Variants in UTP20 observed in about 807,000 individuals in gnomAD.
UTP20 encodes small subunit processome component 20 homolog.
UTP20 carries 164 observed loss-of-function variants against 329.5 expected under a neutral mutation model. The ratio of observed to expected loss-of-function variants is 0.50; its 90% CI spans 0.44 to 0.57. The LOEUF is 0.57. UTP20 is among the 20% of genes least tolerant of loss of function. The probability of loss-of-function intolerance (pLI) is 0.00; values close to 1 mark genes in which losing one functional copy is unlikely to be tolerated. For missense variants in UTP20, 3,055 were observed against 3,284.2 expected (o/e 0.93, Z 1.71); for synonymous variants, 1,151 against 1,159.3 (o/e 0.99, Z 0.14).
rs2137229609 is a variant in UTP20 at position 101,286,377 on chromosome 12, A to G, written c.383A>G (p.Glu128Gly). The G allele has an allele frequency of 1.2e-6, 2 of 1,613,644 alleles. No individual in the cohort carries two copies. The highest frequency in any genetic ancestry group is 1.7e-6 in the Non-Finnish European group (2 of 1,179,842). Residue 128 changes from glutamate to glycine, a missense_variant, in exon 5 of 62, where the codon GAG (glutamate) becomes GGG (glycine). Physicochemically the swap from Glu to Gly is moderately conservative, Grantham distance 98. Coordinates refer to ENST00000261637, the MANE Select transcript of UTP20 (RefSeq NM_014503.3). The part of the protein sequence containing the change: ...LQMDFYPHFP[E>G]FFLTITSILE... ...ATGGATTTCTACCCACACTTTCCAGAGTTTTTTTTGACTATCACCTCGATC... is the reference window on the plus strand; with the variant it reads ...ATGGATTTCTACCCACACTTTCCAGGGTTTTTTTTGACTATCACCTCGATC...
chr12:101,310,597 A>AAAAAAAAAAAAAAAAAAAG (rs1380114662), intron 19 of UTP20, among the ~76,000 whole-genome samples: 10 of 150,462 alleles, frequency 6.6e-5, no homozygotes, highest in African/African-American at 2.4e-4. Context: ...AAAAAAAAAA[A>AAAAAAAAAAAAAAAAAAAG]ATACATGTTA....
chr12:101,309,882 A>G lies in UTP20; in HGVS notation c.2231+43A>G, dbSNP rs200778639. On this transcript the variant is annotated intron_variant, in intron 19 of 61. Coordinates refer to ENST00000261637, the MANE Select transcript of UTP20 (RefSeq NM_014503.3). ...GGGATGAAACTATTATACTTTAACT[A>G]CTGCAGAATGATGGGGCCCAGATTA... The G allele has an allele frequency of 4.4e-5, 69 of 1,553,592 alleles. 1 individual carries two copies. In the Admixed American group the frequency reaches 1.1e-3, roughly 25 times the overall value.
rs775562299 is a variant in UTP20, at chr12:101,346,578, A to G, written c.4874A>G (p.Lys1625Arg). 6.3e-7 allele frequency: 1 copy of G among 1,599,436 alleles called. No individual in the cohort carries two copies. Among genetic ancestry groups the G allele is most frequent in the Admixed American group, 1.8e-5 (1 of 56,872 alleles). ...PYAMTPIFDE[K>R]MLKHENITTA... ...GCCATGACTCCAATTTTTGATGAGA[A>G]AATGCTCAAGGTAGGTCATTAGATC... The change falls in exon 38 of 62, where the codon AAA (lysine) becomes AGA (arginine). Residue 1625 changes from lysine (K) to arginine (R), a missense_variant. Coordinates refer to ENST00000261637, the MANE Select transcript of UTP20 (RefSeq NM_014503.3).
intron 26 of UTP20, among the ~76,000 whole-genome samples, 171 bp from the exon 27 acceptor site, chr12:101,329,070 G>GT (rs1868665509): frequency 6.6e-6 from 1 of 152,012 alleles, no homozygotes; most frequent in African/African-American, 2.4e-5. Context: ...TGAGTATTTG[G>GT]TAAGAGTCAA....
chr12:101,340,936 T>A (rs1177977145), intron 32 of UTP20, among the ~76,000 whole-genome samples: 1 of 123,256 alleles, frequency 8.1e-6, no homozygotes, highest in Admixed American at 9.1e-5. Flanking sequence ...CATTGTGTAA[T>A]CTTTTTTTTT....
At position 101,338,275 on chromosome 12, in the gene UTP20, G is replaced by C; in HGVS notation, c.3866G>C (p.Gly1289Ala). Residue 1289 changes from glycine to alanine, a missense_variant and splice_region_variant, in exon 30 of 62, where the codon GGT becomes GCT. By Grantham distance (60) the Gly-to-Ala change is moderately conservative. Transcript: ENST00000261637. ...TACCCTGGCATAGCAGAAAACATCGGTGGTATGTATGCTGACAAAGCAGAT... is the reference window on the plus strand; with the variant it reads ...TACCCTGGCATAGCAGAAAACATCGCTGGTATGTATGCTGACAAAGCAGAT... ...CVYPGIAENI[G>A]ESITIGGRLI... 6.2e-7 allele frequency: 1 copy of C among 1,613,754 alleles called. No homozygotes were observed. The highest frequency in any genetic ancestry group is 8.5e-7 in the Non-Finnish European group (1 of 1,179,716).
rs769562996 is a variant in UTP20 at position 101,321,498 on chromosome 12, T to C, written c.2916-6T>C. ...TGGTGATTTGTGCTGTTCTCTGTTTTTAAAGGGAAAACTTACAAAGGTTGC... is the reference window on the plus strand; with the variant it reads ...TGGTGATTTGTGCTGTTCTCTGTTTCTAAAGGGAAAACTTACAAAGGTTGC... On this transcript the variant is annotated splice_region_variant and splice_polypyrimidine_tract_variant and intron_variant, in intron 24 of 61. Transcript: ENST00000261637. The C allele has an allele frequency of 6.2e-7, 1 of 1,612,412 alleles. No individual in the cohort carries two copies. Among genetic ancestry groups the C allele is most frequent in the South Asian group, 1.1e-5 (1 of 90,930 alleles).
Position 101,363,722 on chromosome 12 carries a change from A to G in UTP20, c.5937A>G (p.Lys1979=), listed in dbSNP as rs1870003804. 1.2e-6 allele frequency: 2 copies of G among 1,608,410 alleles called. No individual in the cohort carries two copies. Among genetic ancestry groups the G allele is most frequent in the Non-Finnish European group, 1.7e-6 (2 of 1,174,906 alleles). The change falls in exon 45 of 62, where the codon AAA becomes AAG. Residue 1979 remains lysine (K), a synonymous_variant. Transcript: ENST00000261637. ...GKFVGKDQVT[K]LILPLKEILQ... is the part of the protein sequence containing the mutation. ...TTGTAGGAAAAGATCAGGTTACAAAACTCATCCTTCCATTAAAAGAGGTAA... is the reference window on the plus strand; with the variant it reads ...TTGTAGGAAAAGATCAGGTTACAAAGCTCATCCTTCCATTAAAAGAGGTAA...
intron 19 of UTP20, among the ~76,000 whole-genome samples, chr12:101,310,693 T>G (rs2137251952): frequency 6.6e-6 from 1 of 151,592 alleles, no homozygotes; most frequent in South Asian, 2.1e-4. Flanking sequence ...AGATTGGAAA[T>G]ATGTCGTGTG....
chr12:101,316,267 G>A (rs1321301455), intron 21 of UTP20, among the ~76,000 whole-genome samples: 1 of 152,216 alleles, frequency 6.6e-6, no homozygotes, highest in South Asian at 2.1e-4. Context: ...GTGACATTTA[G>A]TGAGTACTCA....
At chr12:101,287,764 A>G (rs1256328128) in intron 5 of UTP20, among the ~76,000 whole-genome samples, 7 of 152,230 alleles carry the variant, frequency 4.6e-5, no homozygotes, top group Non-Finnish European at 1.0e-4. Flanking sequence ...TGCTCAGTCA[A>G]TATTTATTGG....
chr12:101,335,525 C>A lies in UTP20; in HGVS notation c.3641+1021C>A, dbSNP rs540257931. ...TTCTATGTCTTTCTCCCAGTTCCCA[C>A]TGAAAATCAGGAAAACCTCACAAGC... is the stretch of plus-strand genomic sequence containing the variant. On this transcript the variant is annotated intron_variant, in intron 29 of 61. Transcript: ENST00000261637. Among the ~76,000 whole-genome samples, 18 of 152,356 alleles carry A rather than the reference C, an allele frequency of 1.2e-4. No homozygotes were observed. The South Asian group carries it at 1.4e-3, about 12-fold the overall frequency.
chr12:101,374,567 T>A (rs958103509), intron 54 of UTP20, among the ~76,000 whole-genome samples: 2 of 152,054 alleles, frequency 1.3e-5, no homozygotes, highest in South Asian at 2.1e-4. Context: ...GAAAAAAAAA[T>A]TAAAGTATTC....
chr12:101,296,216 C>G (rs1425024447), intron 12 of UTP20, among the ~76,000 whole-genome samples: 2 of 152,168 alleles, frequency 1.3e-5, no homozygotes, highest in Non-Finnish European at 2.9e-5. Context: ...TTGTAACCAC[C>G]ACCAGAGTGA....
At position 101,309,838 on chromosome 12, in the gene UTP20, A is replaced by G. The variant is rs1238907073; in HGVS notation, c.2230A>G (p.Ser744Gly). Residue 744 changes from serine to glycine, a missense_variant and splice_region_variant, in exon 19 of 62, where the codon AGT (serine) becomes GGT (glycine). Transcript: ENST00000261637. The stretch of plus-strand genomic sequence containing the variant: ...CTGGGATCCTGTTATTGAACTCATA[A>G]GGTAAACATGGGTTAAATGGGATGA... ...ALWDPVIELI[S>G]SHAHEMENKQ... The G allele has an allele frequency of 6.2e-7, 1 of 1,612,942 alleles. No homozygotes were observed. The highest frequency in any genetic ancestry group is 8.5e-7 in the Non-Finnish European group (1 of 1,179,420).
At chr12:101,330,639 G>A (rs1868730889) in intron 27 of UTP20, among the ~76,000 whole-genome samples, 1 of 152,218 alleles carries the variant, frequency 6.6e-6, no homozygotes, top group East Asian at 1.9e-4. Flanking sequence ...AATCAGGTGA[G>A]AACCTGTTTA....
chr12:101,286,065 T>C (rs751864573), intron 4 of UTP20, among the ~76,000 whole-genome samples, 184 bp downstream of exon 4: 1 of 152,222 alleles, frequency 6.6e-6, no homozygotes, highest in South Asian at 2.1e-4. Flanking sequence ...ATTTCGCATT[T>C]GTTATATACT....
chr12:101,339,698 G>A (rs557402317), intron 31 of UTP20, among the ~76,000 whole-genome samples: 1 of 152,268 alleles, frequency 6.6e-6, no homozygotes, highest in South Asian at 2.1e-4. Context: ...TAAAGAGTCT[G>A]TTTGGCAGTA....
At chr12:101,330,581 GA>G (rs1408332987) in intron 27 of UTP20, among the ~76,000 whole-genome samples, 1 of 152,222 alleles carries the variant, frequency 6.6e-6, no homozygotes, top group Non-Finnish European at 1.5e-5. Flanking sequence ...AGAGGTCTTA[GA>G]AAGTTCTTTC....
Sources: gnomAD v4.1 joint callset for allele counts (sites outside exome capture counted in the v4.1 genomes callset) on GRCh38, gnomAD v4.1.1 for gene constraint, MANE v1.5 for transcripts, NCBI Gene and HGNC (gene_info 2026-07-23, HGNC 2026-07-21) for gene names.